The following PAQR8 variants were observed in gnomAD, a reference collection of about 807,000 sequenced individuals.
PAQR8 encodes the protein progestin and adipoQ receptor family member 8.
PAQR8 carries 17 observed loss-of-function variants against 25.2 expected under a neutral mutation model. The ratio of observed to expected loss-of-function variants is 0.67; its 90% confidence interval spans 0.46 to 1.01. The LOEUF (loss-of-function observed/expected upper bound fraction) is 1.01. Among genes scored for constraint, PAQR8 ranks in the 50% least tolerant of loss-of-function variants. The pLI, the probability that PAQR8 is intolerant of heterozygous loss-of-function variation, is 0.00. For missense variants in PAQR8, 392 were observed against 448.4 expected (o/e 0.87, Z 1.14); for synonymous variants, 204 against 190.6 (o/e 1.07, Z -0.58).
chr6:52,363,792 A>T (rs1204220254), intron 1 of PAQR8, among the ~76,000 whole-genome samples: 1 of 152,216 alleles, frequency 6.6e-6, no homozygotes, highest in Non-Finnish European at 1.5e-5. Context: ...TGACCAGGTC[A>T]ACTGGAAGGG....
chr6:52,403,846 C>T lies in PAQR8; in HGVS notation c.633C>T (p.Ile211=), dbSNP rs1180929304. 1.9e-6 allele frequency: 3 copies of T among 1,614,242 alleles called. No individual in the cohort carries two copies. Among genetic ancestry groups the T allele is most frequent in the Middle Eastern group, 1.6e-4 (1 of 6,062 alleles). ...GGCCTTATCCAGTCATGAGGAAGATCTGTCAAGTGGTGCCAGCAGGTCTGG... is the reference window on the plus strand; with the variant it reads ...GGCCTTATCCAGTCATGAGGAAGATTTGTCAAGTGGTGCCAGCAGGTCTGG... ...YRRPYPVMRK[I]CQVVPAGLAF... Residue 211 remains isoleucine, a synonymous_variant, in exon 2 of 2, where the codon ATC becomes ATT. Transcript: ENST00000442253.
chr6:52,383,063 A>AG (rs1562430238), intron 1 of PAQR8, among the ~76,000 whole-genome samples: 1 of 152,254 alleles, frequency 6.6e-6, no homozygotes, highest in Admixed American at 6.5e-5. Flanking sequence ...GGTGTGAGCC[A>AG]CTATGCCCAG....
chr6:52,373,333 A>G (rs916551182), intron 1 of PAQR8, among the ~76,000 whole-genome samples: 1 of 152,224 alleles, frequency 6.6e-6, no homozygotes, highest in Non-Finnish European at 1.5e-5. Context: ...AGAAATCCAC[A>G]ATGAAAAGGA....
At chr6:52,366,326 T>A (rs1763353124) in intron 1 of PAQR8, among the ~76,000 whole-genome samples, 1 of 152,190 alleles carries the variant, frequency 6.6e-6, no homozygotes, top group Non-Finnish European at 1.5e-5. Context: ...ATGGAGAGGC[T>A]TGAGACACAG....
chr6:52,380,041 G>C (rs748581827), intron 1 of PAQR8, among the ~76,000 whole-genome samples: 1 of 152,210 alleles, frequency 6.6e-6, no homozygotes, highest in Non-Finnish European at 1.5e-5. Context: ...GATTACAGGC[G>C]TGAGCCACCC....
At chr6:52,379,096 C>CAAAAAAAAAAAAAAAAAAAAAAAAAA (rs70977347) in intron 1 of PAQR8, among the ~76,000 whole-genome samples, 1 of 93,000 alleles carries the variant, frequency 1.1e-5, no homozygotes, top group Non-Finnish European at 2.2e-5. Context: ...TACTCTTTAT[C>CAAAAAAAAAAAAAAAAAAAAAAAAAA]AAAAAAAAAA....
At chr6:52,394,119 G>C (rs909200174) in intron 1 of PAQR8, among the ~76,000 whole-genome samples, 1 of 152,076 alleles carries the variant, frequency 6.6e-6, no homozygotes, top group Non-Finnish European at 1.5e-5. Flanking sequence ...ATTCAGACAG[G>C]GGCCAATGAG....
chr6:52,371,977 C>T (rs991018703), intron 1 of PAQR8, among the ~76,000 whole-genome samples: 1 of 152,196 alleles, frequency 6.6e-6, no homozygotes, highest in Non-Finnish European at 1.5e-5. Context: ...TGGCATTACT[C>T]CAGGGTGGAG....
chr6:52,390,434 A>G (rs1581794854), intron 1 of PAQR8, among the ~76,000 whole-genome samples: 1 of 152,198 alleles, frequency 6.6e-6, no homozygotes, highest in Non-Finnish European at 1.5e-5. Flanking sequence ...TAGGAATATT[A>G]TAGGGCACCA....
intron 1 of PAQR8, among the ~76,000 whole-genome samples, chr6:52,384,493 A>G (rs1045386707): frequency 6.6e-6 from 1 of 152,010 alleles, no homozygotes; most frequent in Non-Finnish European, 1.5e-5. Flanking sequence ...GCAATGGGTC[A>G]CTGAGAGAAG....
Position 52,403,343 on chromosome 6 carries a change from C to T in PAQR8, c.130C>T (p.Gln44Ter). ...CACTGTCCCAGAAACGGATGTGCCC[C>T]AGCTCTTCCGGGAGCCTTACATCCG... ...PCTVPETDVP[Q>*]LFREPYIRTG... is the part of the protein sequence containing the mutation. Residue 44 changes from glutamine (Q) to a stop codon, truncating the protein, a stop_gained, in exon 2 of 2, where the codon CAG becomes TAG. Coordinates refer to ENST00000442253, the MANE Select transcript of PAQR8 (RefSeq NM_133367.5). LOFTEE classifies it high-confidence loss of function. The T allele has an allele frequency of 6.2e-7, 1 of 1,614,248 alleles. No individual in the cohort carries two copies. Among genetic ancestry groups the T allele is most frequent in the Non-Finnish European group, 8.5e-7 (1 of 1,180,044 alleles).
intron 1 of PAQR8, among the ~76,000 whole-genome samples, chr6:52,371,413 G>C (rs1439551785): frequency 6.6e-6 from 1 of 151,934 alleles, no homozygotes; most frequent in Admixed American, 6.6e-5. Flanking sequence ...CCTTTTTACT[G>C]TCTATAAAAG....
chr6:52,392,749 C>T (rs1456849628), intron 1 of PAQR8, among the ~76,000 whole-genome samples: 8 of 152,204 alleles, frequency 5.3e-5, no homozygotes. Flanking sequence ...CTAGCCACAA[C>T]AAACCATGTG....
chr6:52,404,481 A>G lies in PAQR8; in HGVS notation c.*203A>G, dbSNP rs572917203. ...GGAATACTCCTTTTCCTTTTGGATC[A>G]TAGCTTAACAAGGCACAGGAAGGGA... On this transcript the variant is annotated 3_prime_UTR_variant, in exon 2 of 2. Transcript: ENST00000442253. The G allele has an allele frequency of 1.5e-5, 8 of 544,790 alleles. No homozygotes were observed. In the East Asian group the frequency reaches 2.2e-4, roughly 15 times the overall value. 33.7% of individuals were successfully genotyped at this position (544,790 alleles called of 1,614,324 possible).
intron 1 of PAQR8, among the ~76,000 whole-genome samples, chr6:52,364,755 C>T (rs1203014009): frequency 6.6e-6 from 1 of 152,152 alleles, no homozygotes; most frequent in East Asian, 1.9e-4. Context: ...TGAAAATTCT[C>T]TTGAAAGACT....
At chr6:52,375,979 G>A (rs1315261085) in intron 1 of PAQR8, among the ~76,000 whole-genome samples, 2 of 152,186 alleles carry the variant, frequency 1.3e-5, no homozygotes, top group African/African-American at 4.8e-5. Context: ...GGGAAGAAAA[G>A]GAATTGAAAC....
At chr6:52,396,246 T>C (rs890319032) in intron 1 of PAQR8, among the ~76,000 whole-genome samples, 2 of 151,914 alleles carry the variant, frequency 1.3e-5, no homozygotes, top group African/African-American at 4.8e-5. Flanking sequence ...AGTCTGGGAG[T>C]TAAGAAAAGC....
At chr6:52,377,744 G>T (rs1763501754) in intron 1 of PAQR8, among the ~76,000 whole-genome samples, 1 of 104,226 alleles carries the variant, frequency 9.6e-6, no homozygotes, top group Admixed American at 1.0e-4. Flanking sequence ...AAAACTTAAA[G>T]GGGAAACTTA....
intron 1 of PAQR8, among the ~76,000 whole-genome samples, chr6:52,401,552 A>G (rs1763829998): frequency 6.6e-6 from 1 of 152,208 alleles, no homozygotes; most frequent in Non-Finnish European, 1.5e-5. Context: ...AGTTTTAATT[A>G]CCCAAGAGAA....
Sources: gnomAD v4.1 joint callset for allele counts (sites outside exome capture counted in the v4.1 genomes callset) on GRCh38, gnomAD v4.1.1 for gene constraint, MANE v1.5 for transcripts, NCBI Gene and HGNC (gene_info 2026-07-23, HGNC 2026-07-21) for gene names.